Variants in ETV6 observed in about 807,000 individuals in gnomAD.
ETV6 encodes the protein transcription factor ETV6.
ETV6 carries 16 observed loss-of-function variants against 51.1 expected under a neutral mutation model. That is an observed-to-expected ratio of 0.31 (90% CI 0.21 to 0.48). The LOEUF (loss-of-function observed/expected upper bound fraction) is 0.48, where lower values mean the gene tolerates loss of function less well. Among genes scored for constraint, ETV6 ranks in the 20% least tolerant of loss-of-function variants. The pLI is 0.99. For missense variants in ETV6, 458 were observed against 594.8 expected (o/e 0.77, Z 2.39); for synonymous variants, 240 against 224.1 (o/e 1.07, Z -0.64).
intron 5 of ETV6, among the ~76,000 whole-genome samples, chr12:11,878,545 C>T (rs1415612456): frequency 6.6e-6 from 1 of 152,054 alleles, no homozygotes; most frequent in African/African-American, 2.4e-5. Flanking sequence ...CTTCTCCACA[C>T]CTTATGTAAT....
At chr12:11,802,958 AAT>A (rs1294098408) in intron 2 of ETV6, among the ~76,000 whole-genome samples, 1 of 152,200 alleles carries the variant, frequency 6.6e-6, no homozygotes, top group Non-Finnish European at 1.5e-5. Flanking sequence ...CCTTGTCTTC[AAT>A]CTATTTCATA....
At chr12:11,661,165 A>G (rs1864094998) in intron 1 of ETV6, among the ~76,000 whole-genome samples, 1 of 151,812 alleles carries the variant, frequency 6.6e-6, no homozygotes, top group Non-Finnish European at 1.5e-5. Flanking sequence ...TTTTTTAAAA[A>G]ACTTTTTGTG....
At chr12:11,657,154 G>C (rs529069696) in intron 1 of ETV6, among the ~76,000 whole-genome samples, 1 of 152,278 alleles carries the variant, frequency 6.6e-6, no homozygotes, top group African/African-American at 2.4e-5. Flanking sequence ...GAGATGTGTT[G>C]TGGAGATAAT....
At chr12:11,778,124 A>G (rs962547961) in intron 2 of ETV6, among the ~76,000 whole-genome samples, 6 of 152,242 alleles carry the variant, frequency 3.9e-5, no homozygotes, top group African/African-American at 7.2e-5. Flanking sequence ...AGCCTACTGC[A>G]GGACTAGATG....
chr12:11,794,458 CAG>C (rs1175080463), intron 2 of ETV6, among the ~76,000 whole-genome samples: 1 of 152,178 alleles, frequency 6.6e-6, no homozygotes, highest in Non-Finnish European at 1.5e-5. Flanking sequence ...CCTCCGTACT[CAG>C]AGATCTTATT....
chr12:11,710,018 G>A (rs572805246), intron 1 of ETV6, among the ~76,000 whole-genome samples: 5 of 152,284 alleles, frequency 3.3e-5, no homozygotes, highest in East Asian at 1.9e-4. Context: ...TGTATGCCAC[G>A]TAGGTAGCAC....
In ETV6 at chr12:11,771,805, A is replaced by C. The variant is rs371168253; in HGVS notation, c.163+19226A>C. 2.7e-4 allele frequency among the ~76,000 whole-genome samples: 41 copies of C among 152,306 alleles called. No homozygotes were observed. The East Asian group carries it at 5.8e-3, about 21-fold the overall frequency. On this transcript the variant is annotated intron_variant, in intron 2 of 7. Transcript: ENST00000396373. Reference sequence around the variant, plus strand: ...CAGTGTTCTCTCAGATTTCAACTAAATTCATACAAAGTTTAATCAGACTTG... The same window carrying C: ...CAGTGTTCTCTCAGATTTCAACTAACTTCATACAAAGTTTAATCAGACTTG...
At chr12:11,749,340 CA>C (rs1565510545) in intron 1 of ETV6, among the ~76,000 whole-genome samples, 12 of 118,832 alleles carry the variant, frequency 1.0e-4, no homozygotes, top group East Asian at 2.9e-4. Flanking sequence ...CACACACACA[CA>C]CACACACACC....
At chr12:11,885,413 T>A (rs1375003927) in intron 6 of ETV6, among the ~76,000 whole-genome samples, 1 of 152,220 alleles carries the variant, frequency 6.6e-6, no homozygotes, top group Non-Finnish European at 1.5e-5. Flanking sequence ...ACTGTACCAT[T>A]GCCTCGGGCC....
rs181849829 is a variant in ETV6, at chr12:11,870,367, A to G, written c.1009+398A>G. Among the ~76,000 whole-genome samples the G allele has an allele frequency of 2.2e-4, 34 of 152,258 alleles. No homozygotes were observed. In the East Asian group the frequency reaches 6.0e-3, roughly 27 times the overall value. ...GCTTTGTCTCAGATTCAGGCCTGTA[A>G]TTCCATCCTGTGAGCGGTAACGCCA... On this transcript the variant is annotated intron_variant, in intron 5 of 7. Transcript: ENST00000396373.
intron 5 of ETV6, among the ~76,000 whole-genome samples, chr12:11,880,387 G>C (rs963687001): frequency 1.1e-4 from 17 of 152,274 alleles, no homozygotes; most frequent in African/African-American, 3.9e-4. Flanking sequence ...ATAGGGAAAC[G>C]GTGTTCTCTG....
chr12:11,851,259 C>A (rs1371719123), intron 3 of ETV6, among the ~76,000 whole-genome samples: 12 of 150,452 alleles, frequency 8.0e-5, no homozygotes, highest in African/African-American at 2.2e-4. Context: ...TAATAGTAAT[C>A]ATCAGGAACA....
At chr12:11,858,652 T>C (rs1946667644) in intron 4 of ETV6, among the ~76,000 whole-genome samples, 1 of 152,176 alleles carries the variant, frequency 6.6e-6, no homozygotes, top group Admixed American at 6.5e-5. Context: ...TTTAGTTGCA[T>C]CCTGTCCTCT....
intron 1 of ETV6, among the ~76,000 whole-genome samples, chr12:11,656,686 C>G (rs1591589055): frequency 3.9e-5 from 6 of 152,168 alleles, no homozygotes; most frequent in Admixed American, 3.9e-4. Context: ...TTGTGTTTTT[C>G]TTGCTTCCTC....
intron 7 of ETV6, among the ~76,000 whole-genome samples, chr12:11,887,074 G>A (rs1947201111): frequency 6.6e-6 from 1 of 152,136 alleles, no homozygotes. Flanking sequence ...GGTAACTTAG[G>A]AATAGTAAAA....
rs563392596 is a variant in ETV6 at position 11,895,209 on chromosome 12, C to A, written c.*4163C>A. The A allele has an allele frequency of 1.3e-5, 3 of 232,390 alleles. No individual in the cohort carries two copies. The highest frequency in any genetic ancestry group is 6.1e-5 in the East Asian group (1 of 16,440). The allele number at this position is 232,390 out of a possible 1,614,324, so 14.4% of individuals were successfully genotyped here. A position where few individuals can be genotyped will look rare whatever the true frequency, so the allele number is the denominator to read the frequency against. ...ACTCTAGAATTTCCTTCCCCGCCCC[C>A]CTTTTTGTTTAGTTTCTAATCTCTT... On this transcript the variant is annotated 3_prime_UTR_variant, in exon 8 of 8. Coordinates refer to ENST00000396373, the MANE Select transcript of ETV6 (RefSeq NM_001987.5).
intron 1 of ETV6, among the ~76,000 whole-genome samples, chr12:11,715,965 G>A (rs1160076410): frequency 6.6e-6 from 1 of 152,204 alleles, no homozygotes; most frequent in Non-Finnish European, 1.5e-5. Context: ...TGACCTGATG[G>A]TGTTAAGCCT....
chr12:11,820,894 A>G (rs919594269), intron 2 of ETV6, among the ~76,000 whole-genome samples: 1 of 152,220 alleles, frequency 6.6e-6, no homozygotes, highest in Non-Finnish European at 1.5e-5. Context: ...GATGCAGGGA[A>G]GGAACAGTGG....
At chr12:11,884,399 A>G (rs770137189) in intron 5 of ETV6, 46 bp from the exon 6 acceptor site, 13 of 1,609,984 alleles carry the variant, frequency 8.1e-6, no homozygotes, top group Non-Finnish European at 1.1e-5. Flanking sequence ...TAGTGCCTCA[A>G]CAAGAAACAT....
Sources: gnomAD v4.1 joint callset for allele counts (sites outside exome capture counted in the v4.1 genomes callset) on GRCh38, gnomAD v4.1.1 for gene constraint, MANE v1.5 for transcripts, NCBI Gene and HGNC (gene_info 2026-07-23, HGNC 2026-07-21) for gene names.